The following PRKG1 variants were observed in gnomAD, a reference collection of about 807,000 sequenced individuals.
The protein encoded by PRKG1 is cGMP-dependent protein kinase 1.
Under a neutral mutation model 88.1 loss-of-function variants are expected in PRKG1, and 35 were observed. That is an observed-to-expected ratio of 0.40 (90% CI 0.30 to 0.53). The LOEUF is 0.53. Ranked by LOEUF, PRKG1 falls within the 20% of genes least tolerant of loss-of-function variation. The pLI, the probability that PRKG1 is intolerant of heterozygous loss-of-function variation, is 0.59. For synonymous variants in PRKG1, 303 were observed against 292.5 expected, an observed-to-expected ratio of 1.04 and a Z score of -0.37; for missense variants, 540 against 839.8, an observed-to-expected ratio of 0.64 and a Z score of 4.41.
chr10:51,506,576 G>T (rs1220454261), intron 3 of PRKG1, among the ~76,000 whole-genome samples: 6 of 152,174 alleles, frequency 3.9e-5, no homozygotes, highest in African/African-American at 1.4e-4. Context: ...GGCTATCAGA[G>T]AAATGCAAAT....
intron 2 of PRKG1, among the ~76,000 whole-genome samples, chr10:51,301,748 C>T (rs1840893738): frequency 2.6e-5 from 4 of 152,294 alleles, no homozygotes; most frequent in South Asian, 2.1e-4. Context: ...CCGTAAGAAG[C>T]CCTGTTGTAA....
At chr10:51,876,507 A>G (rs574293321) in intron 4 of PRKG1, among the ~76,000 whole-genome samples, 1 of 152,204 alleles carries the variant, frequency 6.6e-6, no homozygotes, top group Non-Finnish European at 1.5e-5. Context: ...TGGGGTTTAT[A>G]TTTGTTTTTG....
intron 3 of PRKG1, among the ~76,000 whole-genome samples, chr10:51,536,811 C>A (rs1842165744): frequency 8.0e-6 from 1 of 124,446 alleles, no homozygotes; most frequent in African/African-American, 3.0e-5. Context: ...TCCCCCCACC[C>A]TGCAACAGTC....
chr10:51,686,019 C>T (rs1037914124), intron 3 of PRKG1, among the ~76,000 whole-genome samples: 1 of 152,108 alleles, frequency 6.6e-6, no homozygotes, highest in African/African-American at 2.4e-5. Context: ...CATCAATCCC[C>T]TTCCTTCTAT....
chr10:51,210,475 C>A lies in PRKG1; in HGVS notation c.478+57145C>A, dbSNP rs567412493. 3.0e-3 allele frequency among the ~76,000 whole-genome samples: 455 copies of A among 152,214 alleles called. 3 individuals are homozygous for A. Among genetic ancestry groups the A allele is most frequent in the Admixed American group, 9.7e-3 (149 of 15,294 alleles). ...AGAAATAACTAAGATCAGAGCAGAA[C>A]TGAAGGAAATAGAGACACAAAAAAC... is the stretch of plus-strand genomic sequence containing the variant. On this transcript the variant is annotated intron_variant, in intron 2 of 17. Coordinates refer to ENST00000373980, the MANE Select transcript of PRKG1 (RefSeq NM_006258.4).
intron 5 of PRKG1, among the ~76,000 whole-genome samples, chr10:51,914,631 C>G: frequency 6.6e-6 from 1 of 152,182 alleles, no homozygotes; most frequent in Admixed American, 6.5e-5. Flanking sequence ...CCAATTTTCC[C>G]TTTAAAACAT....
rs1304960390 is a variant in PRKG1 at position 51,627,990 on chromosome 10, T to TTCTC, written c.592+160172_592+160175dup. On this transcript the variant is annotated intron_variant, in intron 3 of 17. Coordinates refer to ENST00000373980, the MANE Select transcript of PRKG1 (RefSeq NM_006258.4). ...TCTTTCTCTTTCTTTCTTTCTTTCT[T>TTCTC]TCTCTCTCTCTCTCTCTCTCTTTCT... Among the ~76,000 whole-genome samples, 5 of 36,164 alleles carry TTCTC rather than the reference T, an allele frequency of 1.4e-4. 1 individual carries two copies. The highest frequency in any genetic ancestry group is 1.9e-4 in the Non-Finnish European group (3 of 15,434). 23.7% of individuals were successfully genotyped at this position (36,164 alleles called of 152,430 possible).
In PRKG1 at chr10:50,991,835, C is replaced by G. The variant is rs1842786397; in HGVS notation, c.266+191C>G. On this transcript the variant is annotated intron_variant, in intron 1 of 17. Coordinates refer to the PRKG1 transcript ENST00000401604. This position sits in a 1 kb window ranked among gnomAD's most constrained non-coding sequence, Gnocchi z 4.5. ...TTATTTCTGCCCATCACGTGCTGTG[C>G]TTGTCTCCGCCGGGCTGGGAAAGGC... 6.6e-6 allele frequency among the ~76,000 whole-genome samples: 1 copy of G among 152,140 alleles called. No homozygotes were observed.
chr10:51,366,662 A>G (rs930931631), intron 2 of PRKG1, among the ~76,000 whole-genome samples: 5 of 151,878 alleles, frequency 3.3e-5, no homozygotes, highest in Admixed American at 6.6e-5. Flanking sequence ...ACTAAGACAC[A>G]CTATTTAAAT....
intron 1 of PRKG1, among the ~76,000 whole-genome samples, chr10:51,061,564 C>T (rs1843692789): frequency 6.6e-6 from 1 of 152,244 alleles, no homozygotes; most frequent in African/African-American, 2.4e-5. Context: ...ACTGCTTTTG[C>T]TGTATTCTCT....
At chr10:51,548,310 T>C (rs1451828585) in intron 3 of PRKG1, among the ~76,000 whole-genome samples, 1 of 152,130 alleles carries the variant, frequency 6.6e-6, no homozygotes, top group East Asian at 1.9e-4. Flanking sequence ...GCCCATCATT[T>C]TAAAAAACAT....
intron 3 of PRKG1, among the ~76,000 whole-genome samples, chr10:51,574,260 T>C (rs893104839): frequency 1.3e-5 from 2 of 151,908 alleles, no homozygotes; most frequent in African/African-American, 4.8e-5. Context: ...TTTTCATCAC[T>C]GAAAGGAGAC....
chr10:51,634,834 C>A (rs1839615751), intron 3 of PRKG1, among the ~76,000 whole-genome samples: 1 of 152,022 alleles, frequency 6.6e-6, no homozygotes, highest in Non-Finnish European at 1.5e-5. Flanking sequence ...TAAACTAATT[C>A]AGGAACAGAA....
intron 14 of PRKG1, among the ~76,000 whole-genome samples, chr10:52,282,562 G>A (rs555959293): frequency 6.6e-6 from 1 of 152,064 alleles, no homozygotes; most frequent in African/African-American, 2.4e-5. Context: ...ATATGTGAAT[G>A]TGGAAGGATA....
intron 5 of PRKG1, among the ~76,000 whole-genome samples, chr10:51,919,809 A>G (rs1176479020): frequency 6.6e-6 from 1 of 152,120 alleles, no homozygotes. Context: ...TCTGTCTCCC[A>G]GTTTTCTGTA....
intron 16 of PRKG1, 53 bp from the exon 17 acceptor site, chr10:52,290,171 A>G (rs1842208584): frequency 6.6e-7 from 1 of 1,513,986 alleles, no homozygotes; most frequent in African/African-American, 1.4e-5. Flanking sequence ...CACTGCAATG[A>G]GAAGCTTTTA....
chr10:51,661,493 G>T (rs1249237180), intron 3 of PRKG1, among the ~76,000 whole-genome samples: 1 of 152,068 alleles, frequency 6.6e-6, no homozygotes, highest in Non-Finnish European at 1.5e-5. Flanking sequence ...CATCATCACT[G>T]GTCATCAGAG....
At chr10:51,011,875 G>A (rs1192479971) in intron 1 of PRKG1, among the ~76,000 whole-genome samples, 2 of 152,186 alleles carry the variant, frequency 1.3e-5, no homozygotes, top group African/African-American at 4.8e-5. Flanking sequence ...AAGAAAAAGA[G>A]GTTTAACGGA....
chr10:51,211,159 A>G (rs1314503464), intron 2 of PRKG1, among the ~76,000 whole-genome samples: 1 of 152,220 alleles, frequency 6.6e-6, no homozygotes, highest in South Asian at 2.1e-4. Flanking sequence ...GGCTGGTTCA[A>G]CATACGAAAA....
Sources: allele counts gnomAD v4.1 joint callset (sites outside exome capture counted in the v4.1 genomes callset), GRCh38; gene constraint gnomAD v4.1.1; non-coding constraint Gnocchi (gnomAD v3.1); transcripts MANE v1.5; gene names NCBI Gene and HGNC (gene_info 2026-07-23, HGNC 2026-07-21).